Variants in XRN1 observed in about 807,000 individuals in gnomAD.
The protein encoded by XRN1 is strand-exchange protein 1 homolog.
A neutral mutation model predicts 222.3 loss-of-function variants in XRN1; 67 were observed. The ratio of observed to expected loss-of-function variants is 0.30; its 90% CI spans 0.25 to 0.37. XRN1 has a LOEUF of 0.37. XRN1 is among the 10% of genes least tolerant of loss of function. The probability of loss-of-function intolerance (pLI) is 1.00; values close to 1 mark genes in which losing one functional copy is unlikely to be tolerated. For missense variants in XRN1, 1,707 were observed against 2,000.2 expected (o/e 0.85, Z 2.80); for synonymous variants, 643 against 652.4 (o/e 0.99, Z 0.22).
intron 15 of XRN1, among the ~76,000 whole-genome samples, chr3:142,406,737 AG>A: frequency 6.6e-6 from 1 of 151,406 alleles, no homozygotes; most frequent in Admixed American, 6.6e-5. Context: ...TGTGTTGCCC[AG>A]GGTGGGCTTG....
At chr3:142,354,116 T>C (rs1259545772) in intron 32 of XRN1, among the ~76,000 whole-genome samples, 1 of 151,910 alleles carries the variant, frequency 6.6e-6, no homozygotes, top group Non-Finnish European at 1.5e-5. Context: ...TTTTAAAAAA[T>C]GGGGAAAAAA....
At chr3:142,378,520 GATT>G (rs1283528288) in intron 23 of XRN1, among the ~76,000 whole-genome samples, 1 of 152,066 alleles carries the variant, frequency 6.6e-6, no homozygotes, top group Non-Finnish European at 1.5e-5. Flanking sequence ...AAATTAAAAT[GATT>G]AAATCAAATA....
chr3:142,421,411 A>G (rs1394851391), intron 9 of XRN1, 65 bp downstream of exon 9: 4 of 1,324,672 alleles, frequency 3.0e-6, no homozygotes, highest in Non-Finnish European at 4.2e-6. Context: ...CTGGTATTAC[A>G]TAATTGGTGA....
chr3:142,312,894 T>C (rs2065115106), intron 39 of XRN1, 136 bp from the exon 40 acceptor site: 1 of 955,188 alleles, frequency 1.0e-6, no homozygotes, highest in Admixed American at 2.7e-5. Flanking sequence ...ACTTCACCTA[T>C]AATTACTCTT....
chr3:142,335,877 T>C (rs1300352126), intron 33 of XRN1, among the ~76,000 whole-genome samples: 1 of 152,196 alleles, frequency 6.6e-6, no homozygotes, highest in Non-Finnish European at 1.5e-5. Flanking sequence ...GTTAGAGCCA[T>C]AATCTGCAAG....
intron 1 of XRN1, among the ~76,000 whole-genome samples, chr3:142,442,884 A>T (rs569423735): frequency 4.5e-4 from 68 of 152,180 alleles, no homozygotes; most frequent in African/African-American, 1.6e-3. Context: ...CGGGCGCCCA[A>T]CACGACGCCC....
chr3:142,334,748 G>GTA (rs1302161657), intron 34 of XRN1, among the ~76,000 whole-genome samples: 4 of 143,004 alleles, frequency 2.8e-5, no homozygotes, highest in Non-Finnish European at 4.5e-5. Context: ...CTATGTGTGT[G>GTA]TATATATATG....
chr3:142,374,079 G>A (rs2067067784), intron 25 of XRN1, among the ~76,000 whole-genome samples: 1 of 152,174 alleles, frequency 6.6e-6, no homozygotes, highest in Non-Finnish European at 1.5e-5. Context: ...TGCAGGAGAA[G>A]AATAAAGACA....
At chr3:142,425,927 A>C (rs891299801) in intron 3 of XRN1, among the ~76,000 whole-genome samples, 1 of 151,902 alleles carries the variant, frequency 6.6e-6, no homozygotes, top group African/African-American at 2.4e-5. Context: ...AGCTTAAATC[A>C]GATTGTCAAT....
At position 142,421,516 on chromosome 3, in the gene XRN1, T is replaced by C. The variant is rs749222593; in HGVS notation, c.995A>G (p.Asn332Ser). The change falls in exon 9 of 41, where the codon AAC becomes AGC. Residue 332 changes from asparagine to serine, a missense_variant. Coordinates refer to ENST00000392981, the MANE Select transcript of XRN1 (RefSeq NM_001282857.2). Reference protein sequence around the residue: ...GGYINESGHLNLPRFEKYLVK... With the variant: ...GGYINESGHLSLPRFEKYLVK... The stretch of plus-strand genomic sequence containing the variant: ...AAGGTATTTCTCAAATCGAGGTAAG[T>C]TGAGGTGCCCACTTTCATTAATATA... 37 of 1,610,194 alleles carry C rather than the reference T, an allele frequency of 2.3e-5. No homozygotes were observed. The highest frequency in any genetic ancestry group is 5.5e-5 in the South Asian group (5 of 90,242).
intron 13 of XRN1, among the ~76,000 whole-genome samples, chr3:142,414,558 C>T (rs528261161): frequency 3.2e-4 from 48 of 151,330 alleles, no homozygotes; most frequent in African/African-American, 1.1e-3. Context: ...TGCAGTGGCG[C>T]GATCCTGGCT....
intron 39 of XRN1, 23 bp downstream of exon 39, chr3:142,318,569 C>T (rs761094455): frequency 1.3e-6 from 2 of 1,562,082 alleles, no homozygotes; most frequent in Non-Finnish European, 1.7e-6. Context: ...ATGACAAATA[C>T]TTATAAATGA....
At chr3:142,343,879 T>C (rs542738584) in intron 33 of XRN1, among the ~76,000 whole-genome samples, 6 of 152,254 alleles carry the variant, frequency 3.9e-5, no homozygotes, top group Admixed American at 3.3e-4. Context: ...GTGGTACATA[T>C]ACACAATGGA....
chr3:142,403,804 T>C (rs1230211138), intron 17 of XRN1, 32 bp from the exon 18 acceptor site: 1 of 1,610,250 alleles, frequency 6.2e-7, no homozygotes, highest in Non-Finnish European at 8.5e-7. Flanking sequence ...TTAATTTTAA[T>C]TCTTTCTCCA....
chr3:142,355,544 A>T (rs1476174036), intron 31 of XRN1, 48 bp from the exon 32 acceptor site: 1 of 1,172,684 alleles, frequency 8.5e-7, no homozygotes, highest in Non-Finnish European at 1.2e-6. Context: ...AGGAAGAAAT[A>T]AAAATACATA....
chr3:142,409,257 A>T (rs1197761657), intron 15 of XRN1, among the ~76,000 whole-genome samples: 1 of 151,886 alleles, frequency 6.6e-6, no homozygotes, highest in Non-Finnish European at 1.5e-5. Context: ...GAATCTTGAA[A>T]TTTTCTCCTA....
At chr3:142,401,522 G>C (rs990009894) in intron 18 of XRN1, among the ~76,000 whole-genome samples, 4 of 152,032 alleles carry the variant, frequency 2.6e-5, no homozygotes, top group Non-Finnish European at 5.9e-5. Flanking sequence ...AGACCAGCCT[G>C]GCCAAGATGG....
intron 37 of XRN1, among the ~76,000 whole-genome samples, chr3:142,319,721 T>C (rs998347928): frequency 2.6e-5 from 4 of 152,166 alleles, no homozygotes; most frequent in African/African-American, 9.7e-5. Flanking sequence ...ACTCTGTATG[T>C]CCATGTTTAG....
In XRN1 at chr3:142,426,811, T is replaced by C; in HGVS notation, c.339A>G (p.Lys113=). 1 of 1,613,812 alleles carries C rather than the reference T, an allele frequency of 6.2e-7. No individual in the cohort carries two copies. Among genetic ancestry groups the C allele is most frequent in the Middle Eastern group, 1.7e-4 (1 of 6,060 alleles). The change falls in exon 3 of 41, where the codon AAA becomes AAG. Residue 113 remains lysine, a synonymous_variant. Transcript: ENST00000392981. ...GAGTTTCTCCCTTCTCTATTGCCTT[T>C]TTAATTTTGTCTTCTGCCTCCTTTG... is the stretch of plus-strand genomic sequence containing the variant. ...RSAKEAEDKI[K]KAIEKGETLP...
Sources: allele counts gnomAD v4.1 joint callset (sites outside exome capture counted in the v4.1 genomes callset), GRCh38; gene constraint gnomAD v4.1.1; transcripts MANE v1.5; gene names NCBI Gene and HGNC (gene_info 2026-07-23, HGNC 2026-07-21).